The following HDAC11 variants were observed in gnomAD, a reference collection of about 807,000 sequenced individuals.
HDAC11 encodes histone deacetylase 11.
Under a neutral mutation model 41.1 loss-of-function variants are expected in HDAC11, and 23 were observed. That is an observed-to-expected ratio of 0.56 (90% CI 0.40 to 0.79). The LOEUF is 0.79. Ranked by LOEUF, HDAC11 falls within the 30% of genes least tolerant of loss-of-function variation. The pLI is 0.00. For missense variants in HDAC11, 402 were observed against 477.3 expected (o/e 0.84, Z 1.47); for synonymous variants, 187 against 186.6 (o/e 1.00, Z -0.02).
chr3:13,498,531 G>C lies in HDAC11; in HGVS notation c.388G>C (p.Glu130Gln). The C allele has an allele frequency of 6.2e-7, 1 of 1,613,948 alleles. No individual in the cohort carries two copies. The highest frequency in any genetic ancestry group is 1.7e-4 in the Middle Eastern group (1 of 6,060). ...TCCAAAGGCGGGGAAGCTGGCTGTG[G>C]AGCGAGGCTGGGCCATCAACGTGGG... ...GTIMAGKLAV[E>Q]RGWAINVGGG... is the part of the protein sequence containing the mutation. The change falls in exon 5 of 10, where the codon GAG (glutamate) becomes CAG (glutamine). Residue 130 changes from glutamate (E) to glutamine (Q), a missense_variant. Transcript: ENST00000295757.
At chr3:13,495,577 C>A (rs1383218223) in intron 3 of HDAC11, among the ~76,000 whole-genome samples, 2 of 152,194 alleles carry the variant, frequency 1.3e-5, no homozygotes, top group East Asian at 1.9e-4. Flanking sequence ...CTTCTCTATT[C>A]CTGTTCCCCT....
chr3:13,505,276 G>A lies in HDAC11; in HGVS notation c.*593G>A, dbSNP rs1174200233. ...TGGATGTGAGGGGCGGTCAGGAAGG[G>A]GTACAGGTGGGTTCCCTCATCTGGA... On this transcript the variant is annotated 3_prime_UTR_variant, in exon 10 of 10. Coordinates refer to ENST00000295757, the MANE Select transcript of HDAC11 (RefSeq NM_024827.4). 1 of 160,488 alleles carries A rather than the reference G, an allele frequency of 6.2e-6. No individual in the cohort carries two copies. The highest frequency in any genetic ancestry group is 1.4e-5 in the Non-Finnish European group (1 of 72,440). The allele number at this position is 160,488 out of a possible 1,614,324, so 9.9% of individuals were successfully genotyped here. A position where few individuals can be genotyped will look rare whatever the true frequency, so the allele number is the denominator to read the frequency against.
chr3:13,503,232 AAG>A, intron 8 of HDAC11: 1 of 334,088 alleles, frequency 3.0e-6, no homozygotes. Flanking sequence ...AAAGAAAAAA[AAG>A]AAAAATAGGA....
At chr3:13,482,521 G>A (rs1415853847) in intron 2 of HDAC11, among the ~76,000 whole-genome samples, 2 of 152,178 alleles carry the variant, frequency 1.3e-5, no homozygotes, top group Non-Finnish European at 2.9e-5. Flanking sequence ...AGTGGCTCGT[G>A]CCTGTAATCC....
At chr3:13,501,614 A>C (rs1437729460) in intron 6 of HDAC11, 1 of 692,184 alleles carries the variant, frequency 1.4e-6, no homozygotes, top group East Asian at 2.8e-5. Flanking sequence ...TTACCTCCTG[A>C]CCTATGACCC....
At chr3:13,499,206 G>A (rs1469929520) in intron 5 of HDAC11, among the ~76,000 whole-genome samples, 1 of 152,092 alleles carries the variant, frequency 6.6e-6, no homozygotes, top group Non-Finnish European at 1.5e-5. Flanking sequence ...TTTCACTCTT[G>A]TTGCCCAGGC....
chr3:13,496,663 C>T (rs775671294), intron 3 of HDAC11, 73 bp from the exon 4 acceptor site: 29 of 961,918 alleles, frequency 3.0e-5, no homozygotes, highest in East Asian at 2.7e-5. Context: ...AGGCATTTCC[C>T]GGGGAACCAA....
chr3:13,498,408 A>C, intron 4 of HDAC11, 105 bp from the exon 5 acceptor site: 6 of 1,399,148 alleles, frequency 4.3e-6, no homozygotes, highest in Non-Finnish European at 5.1e-6. Context: ...TCCTTCCCCC[A>C]GAGCTGGCTA....
chr3:13,484,643 C>A (rs1701478016), intron 3 of HDAC11, among the ~76,000 whole-genome samples: 1 of 152,344 alleles, frequency 6.6e-6, no homozygotes, highest in Non-Finnish European at 1.5e-5. Flanking sequence ...TTTTCTGCCT[C>A]AGCCTCCGAA....
rs1701251042 is a variant in HDAC11 at position 13,480,449 on chromosome 3, A to G, written c.2+100A>G. 1.4e-6 allele frequency: 1 copy of G among 721,598 alleles called. No homozygotes were observed. 44.7% of individuals were successfully genotyped at this position (721,598 alleles called of 1,614,324 possible). A position where few individuals can be genotyped will look rare whatever the true frequency, so the allele number is the denominator to read the frequency against. ...GGACGGCCGGGCGGGCGCGCCAGGT[A>G]AGGGCCCAGATTTGCTGGTGAGGGG... is the stretch of plus-strand genomic sequence containing the variant. On this transcript the variant is annotated intron_variant, in intron 1 of 9. Transcript: ENST00000295757. This position sits in a 1 kb window ranked among gnomAD's most constrained non-coding sequence, Gnocchi z 4.6.
rs751291277 is a variant in HDAC11 at position 13,504,722 on chromosome 3, G to A, written c.*39G>A. 29 of 1,552,946 alleles carry A rather than the reference G, an allele frequency of 1.9e-5. No homozygotes were observed. Among genetic ancestry groups the A allele is most frequent in the Admixed American group, 8.4e-5 (5 of 59,748 alleles). On this transcript the variant is annotated 3_prime_UTR_variant, in exon 10 of 10. Transcript: ENST00000295757. Reference sequence around the variant, plus strand: ...GCCTGTCACGTGGCCCTGCCTATCCGCCCCTTAGTGCTTTTTGTTTTCTAA... The same window carrying A: ...GCCTGTCACGTGGCCCTGCCTATCCACCCCTTAGTGCTTTTTGTTTTCTAA...
chr3:13,480,820 T>C lies in HDAC11; in HGVS notation c.3-426T>C. ...CTGAGTGCTTACTGTGCTCAGCTCC[T>C]CAGTTGCATTCTCTGAGTCCTCACA... On this transcript the variant is annotated intron_variant, in intron 1 of 9. Coordinates refer to ENST00000295757, the MANE Select transcript of HDAC11 (RefSeq NM_024827.4). This position sits in a 1 kb window ranked among gnomAD's most constrained non-coding sequence, Gnocchi z 4.6. 2.5e-6 allele frequency: 1 copy of C among 407,774 alleles called. No homozygotes were observed. Among genetic ancestry groups the C allele is most frequent in the Non-Finnish European group, 5.1e-6 (1 of 195,360 alleles). 25.3% of individuals were successfully genotyped at this position (407,774 alleles called of 1,614,324 possible). A position where few individuals can be genotyped will look rare whatever the true frequency, so the allele number is the denominator to read the frequency against.
rs368112003 is a variant in HDAC11 at position 13,492,954 on chromosome 3, G to T, written c.253-3782G>T. ...ATAGATGAGACAGAGGCACAGAGAA[G>T]TGAATTCTAAATTCACATAGCCAGT... On this transcript the variant is annotated intron_variant, in intron 3 of 9. Coordinates refer to ENST00000295757, the MANE Select transcript of HDAC11 (RefSeq NM_024827.4). 2.2e-4 allele frequency among the ~76,000 whole-genome samples: 33 copies of T among 152,310 alleles called. 1 individual carries two copies. The East Asian group carries it at 5.6e-3, about 26-fold the overall frequency.
Position 13,504,642 on chromosome 3 carries a change from C to A in HDAC11, c.1003C>A (p.Gln335Lys). The A allele has an allele frequency of 6.2e-7, 1 of 1,613,892 alleles. No individual in the cohort carries two copies. The highest frequency in any genetic ancestry group is 1.1e-5 in the South Asian group (1 of 91,090). Reference sequence around the variant, plus strand: ...GCCTGAGTCACCCAGCGTCTCCGCACAGAACTCAGACACACCGCTGCTTCC... The same window carrying A: ...GCCTGAGTCACCCAGCGTCTCCGCAAAGAACTCAGACACACCGCTGCTTCC... ...IGPESPSVSA[Q>K]NSDTPLLPPA... The change falls in exon 10 of 10, where the codon CAG (glutamine) becomes AAG (lysine). Residue 335 changes from glutamine (Q) to lysine (K), a missense_variant. By Grantham distance (53) the Gln-to-Lys change is moderately conservative (BLOSUM62 1). Coordinates refer to ENST00000295757, the MANE Select transcript of HDAC11 (RefSeq NM_024827.4).
chr3:13,500,810 G>A (rs998965154), intron 6 of HDAC11, 21 bp downstream of exon 6: 2 of 1,498,812 alleles, frequency 1.3e-6, no homozygotes, highest in South Asian at 2.6e-5. Flanking sequence ...GAGCAAGTGG[G>A]GTCTCGCCTC....
At chr3:13,503,231 AAAG>A (rs1385089689) in intron 8 of HDAC11, 39 of 331,120 alleles carry the variant, frequency 1.2e-4, no homozygotes, top group African/African-American at 7.8e-4. Context: ...GAAAGAAAAA[AAAG>A]AAAAATAGGA....
chr3:13,497,244 T>C (rs1257786369), intron 4 of HDAC11, among the ~76,000 whole-genome samples: 1 of 151,830 alleles, frequency 6.6e-6, no homozygotes, highest in Non-Finnish European at 1.5e-5. Context: ...AGTGGTGTGA[T>C]CTTGGCTCAC....
At chr3:13,494,479 T>C (rs576607200) in intron 3 of HDAC11, among the ~76,000 whole-genome samples, 2 of 152,326 alleles carry the variant, frequency 1.3e-5, no homozygotes, top group Admixed American at 1.3e-4. Context: ...CACACATGTA[T>C]ACACAAGACA....
At chr3:13,496,911 C>T (rs1702127432) in intron 4 of HDAC11, 59 bp downstream of exon 4, 3 of 890,982 alleles carry the variant, frequency 3.4e-6, no homozygotes, top group Non-Finnish European at 5.1e-6. Context: ...GGGTCCTTCT[C>T]ACCTCCTTTG....
Sources: allele counts gnomAD v4.1 joint callset (sites outside exome capture counted in the v4.1 genomes callset), GRCh38; gene constraint gnomAD v4.1.1; non-coding constraint Gnocchi (gnomAD v3.1); transcripts MANE v1.5; gene names NCBI Gene and HGNC (gene_info 2026-07-23, HGNC 2026-07-21).